PPP2CB: variants seen among roughly 807,000 people sequenced by gnomAD.
PPP2CB encodes serine/threonine-protein phosphatase 2A catalytic subunit beta isoform.
In PPP2CB, 18 loss-of-function variants were observed where a neutral mutation model predicts 39.1. The ratio of observed to expected loss-of-function variants is 0.46; its 90% CI spans 0.32 to 0.68. The LOEUF is 0.68. Among genes scored for constraint, PPP2CB ranks in the 30% least tolerant of loss-of-function variants. PPP2CB has a pLI of 0.04. For missense variants in PPP2CB, 226 were observed against 396.9 expected (o/e 0.57, Z 3.66); for synonymous variants, 129 against 133.8 (o/e 0.96, Z 0.25).
intron 5 of PPP2CB, chr8:30,793,435 T>C (rs193253678): frequency 6.5e-6 from 1 of 152,806 alleles, no homozygotes; most frequent in Non-Finnish European, 1.5e-5. Flanking sequence ...AATAAAGTGT[T>C]CATATTAAAT....
rs151139715 is a variant in PPP2CB, at chr8:30,797,689, T to C, written c.378A>G (p.Val126=). Reference sequence around the variant, plus strand: ...GCAGACATTCATCATAAAAGCCATATACTTGGGTAATTTGTCGGCTTTCGT... The same window carrying C: ...GCAGACATTCATCATAAAAGCCATACACTTGGGTAATTTGTCGGCTTTCGT... ...GNHESRQITQ[V]YGFYDECLRK... Residue 126 remains valine, a synonymous_variant, in exon 3 of 7, where the codon GTA becomes GTG. Transcript: ENST00000221138. The C allele has an allele frequency of 4.3e-6, 7 of 1,613,944 alleles. No individual in the cohort carries two copies. In the African/African-American group the frequency reaches 5.3e-5, roughly 12 times the overall value.
chr8:30,802,193 G>A (rs1806638453), intron 1 of PPP2CB, among the ~76,000 whole-genome samples: 1 of 152,078 alleles, frequency 6.6e-6, no homozygotes, highest in Admixed American at 6.6e-5. Flanking sequence ...GAAAACATGG[G>A]TTCTCTTCAG....
chr8:30,812,428 C>G lies in PPP2CB; in HGVS notation c.-7G>C. On this transcript the variant is annotated 5_prime_UTR_variant, in exon 1 of 7. Transcript: ENST00000221138. ...TGAACGCCTTGTCGTCCATGGCGGC[C>G]CGATCCCGATGCGGATCCCGAGCCC... The G allele has an allele frequency of 6.6e-7, 1 of 1,522,392 alleles. No homozygotes were observed. Among genetic ancestry groups the G allele is most frequent in the South Asian group, 1.2e-5 (1 of 82,914 alleles). 94.3% of individuals were successfully genotyped at this position (1,522,392 alleles called of 1,614,324 possible).
rs568177672 is a variant in PPP2CB at position 30,786,102 on chromosome 8, T to C, written c.*133A>G. 1.6e-5 allele frequency: 13 copies of C among 803,046 alleles called. No individual in the cohort carries two copies. Among genetic ancestry groups the C allele is most frequent in the Admixed American group, 1.1e-4 (5 of 45,792 alleles). The allele number at this position is 803,046 out of a possible 1,614,324, so 49.7% of individuals were successfully genotyped here. The stretch of plus-strand genomic sequence containing the variant: ...AGTATGGCACATTTGGTCCATGATG[T>C]GGTTTAATGCCAAGACAGATCCCAA... On this transcript the variant is annotated 3_prime_UTR_variant, in exon 7 of 7. Transcript: ENST00000221138.
intron 6 of PPP2CB, 81 bp from the exon 7 acceptor site, chr8:30,786,388 TA>T: frequency 8.5e-7 from 1 of 1,174,454 alleles, no homozygotes; most frequent in Non-Finnish European, 1.2e-6. Context: ...GACACTGTAG[TA>T]GAAACAGCAG....
intron 1 of PPP2CB, among the ~76,000 whole-genome samples, chr8:30,806,213 G>GA (rs1563217539): frequency 6.7e-6 from 1 of 149,832 alleles, no homozygotes; most frequent in Non-Finnish European, 1.5e-5. Context: ...ACGCCTGGCT[G>GA]ATTTTTTTTT....
chr8:30,805,462 G>C (rs1312812377), intron 1 of PPP2CB, among the ~76,000 whole-genome samples: 1 of 151,906 alleles, frequency 6.6e-6, no homozygotes, highest in Non-Finnish European at 1.5e-5. Flanking sequence ...CGGGAGGCTG[G>C]GGCAGGTGAA....
intron 1 of PPP2CB, among the ~76,000 whole-genome samples, chr8:30,801,001 GT>G (rs902307776): frequency 6.7e-6 from 1 of 149,420 alleles, no homozygotes; most frequent in Non-Finnish European, 1.5e-5. Flanking sequence ...GAATCCAGGA[GT>G]TTGAGACCAG....
In PPP2CB at chr8:30,794,343, A is replaced by G. The variant is rs570194780; in HGVS notation, c.487-62T>C. Reference sequence around the variant, plus strand: ...TACTAACTCCAAACAGTTAACAAAGAGTAAATAATGGTTAAAAGTGTCAGT... The same window carrying G: ...TACTAACTCCAAACAGTTAACAAAGGGTAAATAATGGTTAAAAGTGTCAGT... On this transcript the variant is annotated intron_variant, in intron 3 of 6. Transcript: ENST00000221138. 827 of 1,363,452 alleles carry G rather than the reference A, an allele frequency of 6.1e-4. 6 individuals carry two copies. The African/African-American group carries it at 0.01, about 17-fold the overall frequency. 84.5% of individuals were successfully genotyped at this position (1,363,452 alleles called of 1,614,324 possible). A position where few individuals can be genotyped will look rare whatever the true frequency, so the allele number is the denominator to read the frequency against.
At position 30,788,752 on chromosome 8, in the gene PPP2CB, C is replaced by T. The variant is rs529321987; in HGVS notation, c.857+2445G>A. On this transcript the variant is annotated intron_variant, in intron 6 of 6. Coordinates refer to ENST00000221138, the MANE Select transcript of PPP2CB (RefSeq NM_001009552.2). The stretch of plus-strand genomic sequence containing the variant: ...AGTCAGTTTACAGTGTTGCTCAAGT[C>T]TTCTCCTGCCTTCATCTCCTGCCTA... Among the ~76,000 whole-genome samples the T allele has an allele frequency of 1.8e-4, 27 of 152,296 alleles. No individual in the cohort carries two copies. The South Asian group carries it at 4.1e-3, about 23-fold the overall frequency.
At chr8:30,806,721 T>C (rs1806731798) in intron 1 of PPP2CB, among the ~76,000 whole-genome samples, 1 of 152,188 alleles carries the variant, frequency 6.6e-6, no homozygotes, top group African/African-American at 2.4e-5. Context: ...TTTTATAACA[T>C]TCGTACTGAA....
chr8:30,805,354 T>C (rs942755426), intron 1 of PPP2CB, among the ~76,000 whole-genome samples: 5 of 152,104 alleles, frequency 3.3e-5, no homozygotes, highest in Non-Finnish European at 7.4e-5. Context: ...GGTCAGGAGA[T>C]CCGAGACCAT....
In PPP2CB at chr8:30,794,412, T is replaced by C. The variant is rs1806486200; in HGVS notation, c.487-131A>G. 3.8e-6 allele frequency: 3 copies of C among 784,248 alleles called. No homozygotes were observed. In the Admixed American group the frequency reaches 8.0e-5, roughly 21 times the overall value. 48.6% of individuals were successfully genotyped at this position (784,248 alleles called of 1,614,324 possible). ...TAAACATATTTTGTCCATCATTTTT[T>C]CTTCTTTACCCCTTCTCTGGTCAAT... On this transcript the variant is annotated intron_variant, in intron 3 of 6. Coordinates refer to ENST00000221138, the MANE Select transcript of PPP2CB (RefSeq NM_001009552.2).
intron 2 of PPP2CB, among the ~76,000 whole-genome samples, chr8:30,798,016 T>C (rs766390756): frequency 1.7e-4 from 26 of 152,224 alleles, no homozygotes; most frequent in Non-Finnish European, 3.2e-4. Context: ...TATATTACTA[T>C]AATAAACTTG....
At position 30,797,843 on chromosome 8, in the gene PPP2CB, C is replaced by T. The variant is rs558608225; in HGVS notation, c.313-89G>A. 1.6e-4 allele frequency: 219 copies of T among 1,346,278 alleles called. 1 individual carries two copies. Among genetic ancestry groups the T allele is most frequent in the South Asian group, 2.5e-4 (18 of 71,388 alleles). 83.4% of individuals were successfully genotyped at this position (1,346,278 alleles called of 1,614,324 possible). ...CCAGTCTCTGACCCATTTTTAAACA[C>T]GGCGCTTTTGGCCACCAGTATATTA... On this transcript the variant is annotated intron_variant, in intron 2 of 6. Transcript: ENST00000221138.
intron 6 of PPP2CB, 134 bp from the exon 7 acceptor site, chr8:30,786,441 G>A (rs1806343049): frequency 3.0e-6 from 2 of 660,412 alleles, no homozygotes; most frequent in South Asian, 4.3e-5. Context: ...CGGCTGGAAT[G>A]GCCATGGGCA....
intron 2 of PPP2CB, 66 bp from the exon 3 acceptor site, chr8:30,797,820 A>G (rs920135889): frequency 6.7e-7 from 1 of 1,496,512 alleles, no homozygotes; most frequent in Non-Finnish European, 9.1e-7. Context: ...GAAGTACACC[A>G]GTCTCTGACC....
intron 6 of PPP2CB, among the ~76,000 whole-genome samples, chr8:30,788,054 T>TA (rs1806372439): frequency 6.6e-6 from 1 of 152,210 alleles, no homozygotes; most frequent in Admixed American, 6.5e-5. Context: ...TGTGAGTCTT[T>TA]ACTCCTTTTT....
chr8:30,796,906 G>A (rs1004904076), intron 3 of PPP2CB, among the ~76,000 whole-genome samples: 5 of 152,130 alleles, frequency 3.3e-5, no homozygotes, highest in African/African-American at 1.2e-4. Flanking sequence ...AGCCCAGGCT[G>A]GATCACGGCT....
Sources: gnomAD v4.1 joint callset for allele counts (sites outside exome capture counted in the v4.1 genomes callset) on GRCh38, gnomAD v4.1.1 for gene constraint, MANE v1.5 for transcripts, NCBI Gene and HGNC (gene_info 2026-07-23, HGNC 2026-07-21) for gene names.